The following CAMTA1 variants were observed in gnomAD, a reference collection of about 807,000 sequenced individuals.
CAMTA1 encodes the protein calmodulin binding transcription activator 1.
In CAMTA1, 27 loss-of-function variants were observed where a neutral mutation model predicts 170.9. That is an observed-to-expected ratio of 0.16 (90% CI 0.12 to 0.22). CAMTA1 has a LOEUF of 0.22. Ranked by LOEUF, CAMTA1 falls within the 10% of genes least tolerant of loss-of-function variation. The pLI is 1.00. For synonymous variants in CAMTA1, 833 were observed against 891.5 expected, an observed-to-expected ratio of 0.93 and a Z score of 1.17; for missense variants, 1,619 against 2,217.2, an observed-to-expected ratio of 0.73 and a Z score of 5.42.
chr1:7,331,197 C>T (rs1483622084), intron 5 of CAMTA1, among the ~76,000 whole-genome samples: 2 of 152,134 alleles, frequency 1.3e-5, no homozygotes, highest in Non-Finnish European at 2.9e-5. Context: ...CAAGATCATG[C>T]CATTGCACTC....
In CAMTA1 at chr1:7,737,481, C is replaced by A. The variant is rs777340329; in HGVS notation, c.3569C>A (p.Thr1190Lys). ...TGTCCTGCAAGCGAAGAGCCCAGCA[C>A]AGAGAGCTGGATGGCCCAGTGGCAC... ...IHCPASEEPS[T>K]ESWMAQWHSE... The change falls in exon 15 of 23, where the codon ACA becomes AAA. Residue 1190 changes from threonine to lysine, a missense_variant. Physicochemically the swap from Thr to Lys is moderately conservative, Grantham distance 78. This residue lies in a region of CAMTA1 where 370 missense variants were observed against 429.4 expected (regional missense o/e 0.86). Transcript: ENST00000303635. The A allele has an allele frequency of 6.2e-7, 1 of 1,614,176 alleles. No individual in the cohort carries two copies. Among genetic ancestry groups the A allele is most frequent in the Non-Finnish European group, 8.5e-7 (1 of 1,180,040 alleles).
intron 9 of CAMTA1, among the ~76,000 whole-genome samples, chr1:7,670,667 C>CG (rs1209651404): frequency 6.6e-6 from 1 of 152,172 alleles, no homozygotes; most frequent in Admixed American, 6.5e-5. Context: ...TTGGAGCTGC[C>CG]GGTCCTGGGG....
At chr1:7,659,764 A>G (rs1041535928) in intron 7 of CAMTA1, among the ~76,000 whole-genome samples, 1 of 152,230 alleles carries the variant, frequency 6.6e-6, no homozygotes, top group Non-Finnish European at 1.5e-5. Context: ...TGTCACAGTC[A>G]TTACTGTCAT....
At chr1:7,638,423 C>T (rs1325383866) in intron 6 of CAMTA1, among the ~76,000 whole-genome samples, 1 of 152,166 alleles carries the variant, frequency 6.6e-6, no homozygotes, top group African/African-American at 2.4e-5. Flanking sequence ...GGCAGATCAC[C>T]TGAGGTCGGG....
chr1:6,802,243 G>C lies in CAMTA1; in HGVS notation c.45+16668G>C, dbSNP rs569725461. Among the ~76,000 whole-genome samples, 1,341 of 152,262 alleles carry C rather than the reference G, an allele frequency of 8.8e-3. 7 individuals are homozygous for C. Among genetic ancestry groups the C allele is most frequent in the Non-Finnish European group, 0.013 (898 of 68,010 alleles). On this transcript the variant is annotated intron_variant, in intron 1 of 22. Transcript: ENST00000303635. ...TTCCTTGCTTGAGTTACATGTAGTG[G>C]CCTTAGTCATGGCTCCTGCATGTCC...
Position 7,248,204 on chromosome 1 carries a change from T to C in CAMTA1, c.303-1287T>C, listed in dbSNP as rs4243825. Among the ~76,000 whole-genome samples the C allele has an allele frequency of 0.69, 105,176 of 152,020 alleles. 37,481 individuals are homozygous for C. The highest frequency in any genetic ancestry group is 0.87 in the African/African-American group (36,052 of 41,494). On this transcript the variant is annotated intron_variant, in intron 4 of 22. Transcript: ENST00000303635. The surrounding 1 kb of genome is among the most constrained non-coding windows in gnomAD (Gnocchi z 4.0). ...GCCATCAACAGCCAATGTTCTGTGCTGCTTGTGAAATGGCCCATTGTTCGT... is the reference window on the plus strand; with the variant it reads ...GCCATCAACAGCCAATGTTCTGTGCCGCTTGTGAAATGGCCCATTGTTCGT...
intron 5 of CAMTA1, among the ~76,000 whole-genome samples, chr1:7,250,859 C>G (rs1166924870): frequency 6.6e-6 from 1 of 152,202 alleles, no homozygotes; most frequent in Non-Finnish European, 1.5e-5. Context: ...ATTGACTGCA[C>G]AGAACATTAA....
Position 7,428,042 on chromosome 1 carries a change from C to T in CAMTA1, c.439-39788C>T, listed in dbSNP as rs191324351. Among the ~76,000 whole-genome samples, 594 of 152,224 alleles carry T rather than the reference C, an allele frequency of 3.9e-3. 5 individuals carry two copies. Among genetic ancestry groups the T allele is most frequent in the African/African-American group, 0.013 (551 of 41,522 alleles). On this transcript the variant is annotated intron_variant, in intron 5 of 22. Transcript: ENST00000303635. ...AGCAGGAAGCAGGCAGCACTGGAGT[C>T]GGCGTCCGTGGGAAACACTGTGTCT...
At chr1:6,908,136 C>G (rs1214204959) in intron 3 of CAMTA1, among the ~76,000 whole-genome samples, 1 of 152,258 alleles carries the variant, frequency 6.6e-6, no homozygotes, top group African/African-American at 2.4e-5. Context: ...GCTCGTCACC[C>G]TTTATGAAGA....
chr1:7,122,057 G>A (rs1644674207), intron 4 of CAMTA1, among the ~76,000 whole-genome samples: 1 of 152,144 alleles, frequency 6.6e-6, no homozygotes, highest in Admixed American at 6.5e-5. Context: ...GGATGGGCTT[G>A]AGGCTGTTTC....
At chr1:6,842,394 G>A (rs571260848) in intron 3 of CAMTA1, among the ~76,000 whole-genome samples, 2 of 152,314 alleles carry the variant, frequency 1.3e-5, no homozygotes, top group South Asian at 2.1e-4. Flanking sequence ...TGGGTGGTTC[G>A]CAGCCCTGCT....
At chr1:7,658,188 A>T (rs1218022082) in intron 7 of CAMTA1, among the ~76,000 whole-genome samples, 5 of 152,232 alleles carry the variant, frequency 3.3e-5, no homozygotes, top group Non-Finnish European at 7.3e-5. Context: ...GGATCTTCCC[A>T]GAGAACATGT....
chr1:7,630,660 A>G (rs1043614553), intron 6 of CAMTA1, among the ~76,000 whole-genome samples: 2 of 152,206 alleles, frequency 1.3e-5, no homozygotes, highest in Admixed American at 6.5e-5. Context: ...CTGCTGGCGC[A>G]CAGGCTTGCG....
At chr1:7,269,256 G>A (rs1477381598) in intron 5 of CAMTA1, among the ~76,000 whole-genome samples, 1 of 152,232 alleles carries the variant, frequency 6.6e-6, no homozygotes, top group African/African-American at 2.4e-5. Flanking sequence ...TCAGTTCCTT[G>A]ACAGATGTTG....
At chr1:7,458,955 G>C (rs955256026) in intron 5 of CAMTA1, among the ~76,000 whole-genome samples, 1 of 152,230 alleles carries the variant, frequency 6.6e-6, no homozygotes, top group African/African-American at 2.4e-5. Flanking sequence ...CCATGCTTTT[G>C]CAGGCAATAT....
chr1:7,137,895 G>A (rs1169146155), intron 4 of CAMTA1, among the ~76,000 whole-genome samples: 1 of 152,156 alleles, frequency 6.6e-6, no homozygotes, highest in African/African-American at 2.4e-5. Flanking sequence ...CTGGAATATC[G>A]GGCAGGTATG....
chr1:7,603,379 C>A (rs2150590979), intron 6 of CAMTA1, among the ~76,000 whole-genome samples: 1 of 152,288 alleles, frequency 6.6e-6, no homozygotes, highest in South Asian at 2.1e-4. Flanking sequence ...GTATTGGGTG[C>A]ATATTATTTA....
chr1:7,532,555 G>C lies in CAMTA1; in HGVS notation c.510+64654G>C, dbSNP rs2094504136. ...GGGCTCAATCAATCCTCCCATTTCG[G>C]CCCCCCGAGTTCAGCTTCTTTCTTT... On this transcript the variant is annotated intron_variant, in intron 6 of 22. Transcript: ENST00000303635. This position sits in a 1 kb window ranked among gnomAD's most constrained non-coding sequence, Gnocchi z 4.2. Among the ~76,000 whole-genome samples, 1 of 152,040 alleles carries C rather than the reference G, an allele frequency of 6.6e-6. No individual in the cohort carries two copies. Among genetic ancestry groups the C allele is most frequent in the Non-Finnish European group, 1.5e-5 (1 of 68,020 alleles).
rs755815752 is a variant in CAMTA1 at position 7,585,067 on chromosome 1, A to G, written c.511-55333A>G. ...TCAGATGCATTAATATTTCTGCAGCAAAATTTATGAATATTCACACAAAGA... is the reference window on the plus strand; with the variant it reads ...TCAGATGCATTAATATTTCTGCAGCGAAATTTATGAATATTCACACAAAGA... On this transcript the variant is annotated intron_variant, in intron 6 of 22. Transcript: ENST00000303635. This position sits in a 1 kb window ranked among gnomAD's most constrained non-coding sequence, Gnocchi z 4.8. Among the ~76,000 whole-genome samples, 1 of 152,220 alleles carries G rather than the reference A, an allele frequency of 6.6e-6. No individual in the cohort carries two copies. The highest frequency in any genetic ancestry group is 1.5e-5 in the Non-Finnish European group (1 of 68,044).
Sources: allele counts gnomAD v4.1 joint callset (sites outside exome capture counted in the v4.1 genomes callset), GRCh38; gene constraint gnomAD v4.1.1; regional missense constraint gnomAD v4.1.1; non-coding constraint Gnocchi (gnomAD v3.1); transcripts MANE v1.5; gene names NCBI Gene and HGNC (gene_info 2026-07-23, HGNC 2026-07-21).